Variants in CEP126 observed in about 807,000 individuals in gnomAD.
The protein encoded by CEP126 is centrosomal protein of 126 kDa.
Under a neutral mutation model 107.8 loss-of-function variants are expected in CEP126, and 74 were observed. That is an observed-to-expected ratio of 0.69 (90% confidence interval 0.57 to 0.83). CEP126 has a LOEUF of 0.83. CEP126 is among the 40% of genes least tolerant of loss of function. The pLI is 0.00. For synonymous variants in CEP126, 449 were observed against 446.0 expected (o/e 1.01, Z -0.08); for missense variants, 1,237 against 1,281.9 (o/e 0.96, Z 0.53).
intron 6 of CEP126, among the ~76,000 whole-genome samples, chr11:101,965,218 A>T (rs896805949): frequency 1.3e-5 from 2 of 152,234 alleles, no homozygotes; most frequent in Non-Finnish European, 2.9e-5. Context: ...GCCTATTGAG[A>T]AATAGTTAGG....
chr11:101,937,533 G>T (rs2137090430), intron 2 of CEP126, among the ~76,000 whole-genome samples: 1 of 152,238 alleles, frequency 6.6e-6, no homozygotes, highest in Non-Finnish European at 1.5e-5. Flanking sequence ...TGCTTAACCT[G>T]TATTTTGTGA....
At chr11:101,956,052 T>G in intron 4 of CEP126, 1 of 456,642 alleles carries the variant, frequency 2.2e-6, no homozygotes, top group Non-Finnish European at 4.4e-6. Context: ...ACTTCCAGCA[T>G]TTCTAGCAGT....
At chr11:101,954,209 G>A (rs868034168) in intron 4 of CEP126, among the ~76,000 whole-genome samples, 1 of 152,028 alleles carries the variant, frequency 6.6e-6, no homozygotes, top group East Asian at 1.9e-4. Flanking sequence ...TGTATTTTTA[G>A]TAGAGACTGG....
At chr11:101,927,907 A>G (rs1483600853) in intron 2 of CEP126, among the ~76,000 whole-genome samples, 2 of 152,204 alleles carry the variant, frequency 1.3e-5, no homozygotes, top group Non-Finnish European at 2.9e-5. Context: ...TTTCTCTGGG[A>G]TAAGTGACCA....
At chr11:101,979,086 C>T (rs1484494816) in intron 7 of CEP126, among the ~76,000 whole-genome samples, 2 of 151,552 alleles carry the variant, frequency 1.3e-5, no homozygotes, top group East Asian at 2.0e-4. Flanking sequence ...GAGCTGAGGT[C>T]GCATCATTGC....
rs1202580474 is a variant in CEP126, at chr11:102,000,521, A to G, written c.*2878A>G. 1 of 152,108 alleles carries G rather than the reference A, an allele frequency of 6.6e-6. No individual in the cohort carries two copies. The highest frequency in any genetic ancestry group is 2.4e-5 in the African/African-American group (1 of 41,432). 9.4% of individuals were successfully genotyped at this position (152,108 alleles called of 1,614,324 possible). On this transcript the variant is annotated 3_prime_UTR_variant, in exon 11 of 11. Transcript: ENST00000263468. The stretch of plus-strand genomic sequence containing the variant: ...AATATGGCAAGAGCCCAACTCTACT[A>G]AAAATACAAAAAGAAAAGAAAACAG...
intron 6 of CEP126, among the ~76,000 whole-genome samples, chr11:101,966,770 TTTTC>T (rs1941061532): frequency 6.6e-6 from 1 of 152,170 alleles, no homozygotes; most frequent in African/African-American, 2.4e-5. Context: ...CCTCTACTTC[TTTTC>T]TTTATTTCAG....
chr11:101,989,824 G>T (rs1175807440), intron 9 of CEP126, among the ~76,000 whole-genome samples: 1 of 152,160 alleles, frequency 6.6e-6, no homozygotes, highest in Non-Finnish European at 1.5e-5. Flanking sequence ...GCCGGGCGTG[G>T]TGGTGGGTGC....
intron 9 of CEP126, among the ~76,000 whole-genome samples, chr11:101,987,602 G>A (rs1046810200): frequency 3.3e-5 from 5 of 151,348 alleles, no homozygotes; most frequent in Admixed American, 6.6e-5. Flanking sequence ...TGGGCCACCC[G>A]AAGAGCTGTG....
At chr11:101,921,407 C>G (rs2039886434) in intron 1 of CEP126, among the ~76,000 whole-genome samples, 2 of 151,996 alleles carry the variant, frequency 1.3e-5, no homozygotes, top group African/African-American at 4.8e-5. Context: ...AGTAAGTACT[C>G]AAATATCTGT....
intron 1 of CEP126, among the ~76,000 whole-genome samples, chr11:101,920,604 A>T (rs1444612508): frequency 1.3e-5 from 2 of 150,590 alleles, no homozygotes; most frequent in South Asian, 2.1e-4. Context: ...AATTCAATGA[A>T]CTTTTTTTTT....
At chr11:101,938,155 G>C (rs1432705196) in intron 2 of CEP126, among the ~76,000 whole-genome samples, 1 of 40,998 alleles carries the variant, frequency 2.4e-5, no homozygotes, top group Non-Finnish European at 5.3e-5. Context: ...GCGAGACTCT[G>C]TCTCAAAAAA....
intron 10 of CEP126, among the ~76,000 whole-genome samples, chr11:101,995,761 A>G (rs561163861): frequency 6.6e-6 from 1 of 152,352 alleles, no homozygotes; most frequent in South Asian, 2.1e-4. Flanking sequence ...TGAATTAACT[A>G]TTATAGTCAA....
rs116974384 is a variant in CEP126 at position 101,986,471 on chromosome 11, A to T, written c.3035-361A>T. Among the ~76,000 whole-genome samples, 471 of 152,250 alleles carry T rather than the reference A, an allele frequency of 3.1e-3. 4 individuals are homozygous for T. Among genetic ancestry groups the T allele is most frequent in the Non-Finnish European group, 3.6e-3 (248 of 68,008 alleles). On this transcript the variant is annotated intron_variant, in intron 8 of 10. Coordinates refer to ENST00000263468, the MANE Select transcript of CEP126 (RefSeq NM_020802.4). ...TTTTGGTCTTACTTTGTTATAATTC[A>T]TTATAACTACTATTATAAAGACAGT...
chr11:101,953,740 T>C (rs1192301246), intron 4 of CEP126, among the ~76,000 whole-genome samples: 1 of 152,188 alleles, frequency 6.6e-6, no homozygotes, highest in Non-Finnish European at 1.5e-5. Flanking sequence ...GGAAGCCAGA[T>C]AACAGTTGGG....
rs1940991005 is a variant in CEP126 at position 101,962,460 on chromosome 11, A to C, written c.1425A>C (p.Ser475=). ...CTAATATACAGTCAGCTAGACCTTCAGCAAAGAACAGTATACACATAAAAG... is the reference window on the plus strand; with the variant it reads ...CTAATATACAGTCAGCTAGACCTTCCGCAAAGAACAGTATACACATAAAAG... ...LPSNIQSARP[S]AKNSIHIKEI... Residue 475 remains serine (S), a synonymous_variant, in exon 6 of 11, where the codon TCA becomes TCC. Coordinates refer to ENST00000263468, the MANE Select transcript of CEP126 (RefSeq NM_020802.4). 1.2e-6 allele frequency: 2 copies of C among 1,613,690 alleles called. No homozygotes were observed. Among genetic ancestry groups the C allele is most frequent in the Admixed American group, 1.7e-5 (1 of 59,960 alleles).
chr11:101,949,022 A>G (rs1400033893), intron 4 of CEP126, among the ~76,000 whole-genome samples: 1 of 152,222 alleles, frequency 6.6e-6, no homozygotes, highest in Non-Finnish European at 1.5e-5. Flanking sequence ...AGTTCAGGAA[A>G]GACCTCATGG....
chr11:101,975,732 C>A (rs1218204441), intron 6 of CEP126, among the ~76,000 whole-genome samples: 1 of 152,136 alleles, frequency 6.6e-6, no homozygotes, highest in Non-Finnish European at 1.5e-5. Flanking sequence ...TCCTCACTGT[C>A]CTCCCACCCT....
chr11:101,962,961 T>A lies in CEP126; in HGVS notation c.1926T>A (p.Asn642Lys). 1 of 1,611,074 alleles carries A rather than the reference T, an allele frequency of 6.2e-7. No individual in the cohort carries two copies. The highest frequency in any genetic ancestry group is 8.5e-7 in the Non-Finnish European group (1 of 1,179,298). Residue 642 changes from asparagine to lysine, a missense_variant, in exon 6 of 11, where the codon AAT becomes AAA. This residue lies in a region of CEP126 where 1,134 missense variants were observed against 1,150.5 expected (regional missense o/e 0.99). Transcript: ENST00000263468. ...ATGAAACTAGCAATATAGAAAACAA[T>A]GCTGAAAACAGTCATTCACTGAAGA... ...WFDETSNIEN[N>K]AENSHSLKNK...
Sources: gnomAD v4.1 joint callset for allele counts (sites outside exome capture counted in the v4.1 genomes callset) on GRCh38, gnomAD v4.1.1 for gene constraint, gnomAD v4.1.1 regional missense constraint, MANE v1.5 for transcripts, NCBI Gene and HGNC (gene_info 2026-07-23, HGNC 2026-07-21) for gene names.